Variants in DSCAM observed in about 807,000 individuals in gnomAD.
DSCAM encodes DS cell adhesion molecule.
In DSCAM, 47 loss-of-function variants were observed where a neutral mutation model predicts 217.7. The ratio of observed to expected loss-of-function variants is 0.22; its 90% confidence interval spans 0.17 to 0.28. The LOEUF (loss-of-function observed/expected upper bound fraction) is 0.28. Among genes scored for constraint, DSCAM ranks in the 10% least tolerant of loss-of-function variants. DSCAM has a pLI of 1.00. For missense variants in DSCAM, 2,080 were observed against 2,618.3 expected (o/e 0.79, Z 4.49); for synonymous variants, 1,056 against 1,015.3 (o/e 1.04, Z -0.76).
At chr21:40,674,734 G>A (rs2090317986) in intron 3 of DSCAM, among the ~76,000 whole-genome samples, 1 of 147,776 alleles carries the variant, frequency 6.8e-6, no homozygotes, top group African/African-American at 2.5e-5. Context: ...CCAGGTTCAT[G>A]GCATTCTCCT....
At chr21:40,617,122 T>G (rs1452870384) in intron 3 of DSCAM, among the ~76,000 whole-genome samples, 3 of 141,756 alleles carry the variant, frequency 2.1e-5, no homozygotes, top group East Asian at 4.2e-4. Flanking sequence ...AACCAGTCTT[T>G]TTTTTTTTTT....
At position 40,479,413 on chromosome 21, in the gene DSCAM, G is replaced by T. The variant is rs186604984; in HGVS notation, c.509-110168C>A. 4.6e-5 allele frequency among the ~76,000 whole-genome samples: 7 copies of T among 152,220 alleles called. No homozygotes were observed. In the East Asian group the frequency reaches 1.4e-3, roughly 29 times the overall value. On this transcript the variant is annotated intron_variant, in intron 3 of 32. Transcript: ENST00000400454. ...GTCCCCTTAGAAACATCTCACATAT[G>T]TATTAGTCCATTTTCATACTCCTAT...
chr21:40,290,953 T>C (rs1230506449), intron 10 of DSCAM, among the ~76,000 whole-genome samples: 3 of 152,216 alleles, frequency 2.0e-5, no homozygotes, highest in Admixed American at 6.5e-5. Flanking sequence ...CAGAAAATAT[T>C]CATCAAAATC....
At chr21:40,535,265 T>C (rs1446561459) in intron 3 of DSCAM, among the ~76,000 whole-genome samples, 1 of 152,252 alleles carries the variant, frequency 6.6e-6, no homozygotes, top group African/African-American at 2.4e-5. Flanking sequence ...AAAATGTTCA[T>C]TTTCTCCTTA....
intron 1 of DSCAM, among the ~76,000 whole-genome samples, chr21:40,783,231 A>G (rs1320417249): frequency 6.6e-6 from 1 of 152,196 alleles, no homozygotes; most frequent in Non-Finnish European, 1.5e-5. Context: ...CCAGGAAGGT[A>G]ATTTACCCTA....
At chr21:40,359,090 A>G (rs1236960173) in intron 4 of DSCAM, among the ~76,000 whole-genome samples, 1 of 152,206 alleles carries the variant, frequency 6.6e-6, no homozygotes. Context: ...ACATGACTTC[A>G]CACCCATTAG....
chr21:40,567,862 C>G (rs1291409974), intron 3 of DSCAM, among the ~76,000 whole-genome samples: 1 of 152,118 alleles, frequency 6.6e-6, no homozygotes, highest in Non-Finnish European at 1.5e-5. Context: ...CATTAAAATT[C>G]AGTCTTTAGG....
intron 3 of DSCAM, 73 bp downstream of exon 3, chr21:40,692,737 C>A (rs2090550864): frequency 1.3e-6 from 2 of 1,526,106 alleles, no homozygotes; most frequent in Admixed American, 1.8e-5. Flanking sequence ...AAACGGAGAC[C>A]CGATTCCATC....
At chr21:40,785,396 T>C (rs539842074) in intron 1 of DSCAM, among the ~76,000 whole-genome samples, 1 of 152,336 alleles carries the variant, frequency 6.6e-6, no homozygotes, top group Non-Finnish European at 1.5e-5. Context: ...GAAAACTGCC[T>C]TTGTGGTCCC....
chr21:40,018,754 G>C (rs1205748886), intron 32 of DSCAM, among the ~76,000 whole-genome samples: 1 of 152,240 alleles, frequency 6.6e-6, no homozygotes, highest in African/African-American at 2.4e-5. Flanking sequence ...TCCAGTCACT[G>C]AAATGGACAG....
At chr21:40,514,658 C>G (rs1380848430) in intron 3 of DSCAM, among the ~76,000 whole-genome samples, 1 of 152,022 alleles carries the variant, frequency 6.6e-6, no homozygotes, top group Non-Finnish European at 1.5e-5. Flanking sequence ...GATTTTTTTT[C>G]TTTATGGGGC....
intron 20 of DSCAM, among the ~76,000 whole-genome samples, chr21:40,113,662 C>G (rs1206191220): frequency 6.6e-6 from 1 of 152,068 alleles, no homozygotes; most frequent in African/African-American, 2.4e-5. Context: ...TCTAGAAAAC[C>G]CCATCGTCTC....
chr21:40,825,573 C>T (rs1228612680), intron 1 of DSCAM, among the ~76,000 whole-genome samples: 1 of 152,180 alleles, frequency 6.6e-6, no homozygotes. Flanking sequence ...CCACCTCAGC[C>T]TCCCAAAATG....
At chr21:40,421,264 G>A (rs946657230) in intron 3 of DSCAM, among the ~76,000 whole-genome samples, 4 of 152,138 alleles carry the variant, frequency 2.6e-5, no homozygotes, top group African/African-American at 9.7e-5. Context: ...CCTCACCCCT[G>A]ACGTTAGAAC....
intron 10 of DSCAM, among the ~76,000 whole-genome samples, chr21:40,292,727 G>T (rs1312720862): frequency 6.6e-6 from 1 of 151,940 alleles, no homozygotes; most frequent in African/African-American, 2.4e-5. Flanking sequence ...GTCATTAGAA[G>T]TCATTATGAT....
At chr21:40,792,419 C>T (rs1474471117) in intron 1 of DSCAM, among the ~76,000 whole-genome samples, 5 of 152,098 alleles carry the variant, frequency 3.3e-5, no homozygotes, top group South Asian at 2.1e-4. Context: ...CCACCGTGCC[C>T]GGCCATCTCC....
intron 11 of DSCAM, among the ~76,000 whole-genome samples, chr21:40,255,926 C>T (rs997823145): frequency 7.9e-5 from 12 of 152,176 alleles, no homozygotes; most frequent in South Asian, 6.2e-4. Context: ...GTGCTGCGGA[C>T]GCTCTGACTT....
At position 40,572,291 on chromosome 21, in the gene DSCAM, G is replaced by C. The variant is rs193102469; in HGVS notation, c.508+120519C>G. Among the ~76,000 whole-genome samples the C allele has an allele frequency of 3.4e-3, 516 of 152,132 alleles. 2 individuals carry two copies. Among genetic ancestry groups the C allele is most frequent in the South Asian group, 0.013 (64 of 4,814 alleles). On this transcript the variant is annotated intron_variant, in intron 3 of 32. Coordinates refer to ENST00000400454, the MANE Select transcript of DSCAM (RefSeq NM_001389.5). ...TTGAAAATTAGACTATGATAGTTAAGTATACATACTGTAATTTCTAGCAAA... is the reference window on the plus strand; with the variant it reads ...TTGAAAATTAGACTATGATAGTTAACTATACATACTGTAATTTCTAGCAAA...
intron 3 of DSCAM, among the ~76,000 whole-genome samples, chr21:40,457,351 A>T (rs910198133): frequency 2.6e-5 from 4 of 151,988 alleles, no homozygotes; most frequent in Middle Eastern, 3.2e-3. Context: ...ATCTCTACCA[A>T]AATATACAAA....
Sources: allele counts gnomAD v4.1 joint callset (sites outside exome capture counted in the v4.1 genomes callset), GRCh38; gene constraint gnomAD v4.1.1; transcripts MANE v1.5; gene names NCBI Gene and HGNC (gene_info 2026-07-23, HGNC 2026-07-21).